SAMD4A: variants seen among roughly 807,000 people sequenced by gnomAD.
SAMD4A encodes sterile alpha motif domain containing 4A.
SAMD4A carries 33 observed loss-of-function variants against 81.3 expected under a neutral mutation model. The observed-to-expected ratio is 0.41, with a 90% CI of 0.31 to 0.54. The LOEUF (loss-of-function observed/expected upper bound fraction) is 0.54. Ranked by LOEUF, SAMD4A falls within the 20% of genes least tolerant of loss-of-function variation. The pLI, the probability that SAMD4A is intolerant of heterozygous loss-of-function variation, is 0.37. For synonymous variants in SAMD4A, 389 were observed against 382.1 expected, an observed-to-expected ratio of 1.02 and a Z score of -0.21; for missense variants, 854 against 951.1, an observed-to-expected ratio of 0.90 and a Z score of 1.34.
At chr14:54,696,745 C>T (rs1373508216) in intron 2 of SAMD4A, 2 of 152,150 alleles carry the variant, frequency 1.3e-5, no homozygotes, top group African/African-American at 4.8e-5. Context: ...ATTTTTTTTA[C>T]TACTCCTATG....
rs2036810252 is a variant in SAMD4A at position 54,704,758 on chromosome 14, C to G, written c.715+2178C>G. Among the ~76,000 whole-genome samples the G allele has an allele frequency of 2.6e-5, 4 of 152,336 alleles. No individual in the cohort carries two copies. In the South Asian group the frequency reaches 8.3e-4, roughly 32 times the overall value. ...CTCAGATCTCCCCTCCAGAAAGTTT[C>G]ATTCAAACACTCATGACCATATCAA... On this transcript the variant is annotated intron_variant, in intron 3 of 12. Transcript: ENST00000554335.
intron 12 of SAMD4A, among the ~76,000 whole-genome samples, chr14:54,787,352 GT>G (rs1263140337): frequency 6.6e-6 from 1 of 152,200 alleles, no homozygotes; most frequent in Non-Finnish European, 1.5e-5. Flanking sequence ...TGAACCTACA[GT>G]TATCTCAAAA....
rs76559813 is a variant in SAMD4A, at chr14:54,722,077, A to G, written c.716-14947A>G. On this transcript the variant is annotated intron_variant, in intron 3 of 12. Transcript: ENST00000554335. ...AATACAACCTAAACTGATTAAAAAGATTAAGTATTAATGGTGAAATAAGTC... is the reference window on the plus strand; with the variant it reads ...AATACAACCTAAACTGATTAAAAAGGTTAAGTATTAATGGTGAAATAAGTC... Among the ~76,000 whole-genome samples the G allele has an allele frequency of 2.5e-3, 380 of 152,368 alleles. 1 individual carries two copies. The highest frequency in any genetic ancestry group is 4.3e-3 in the Non-Finnish European group (294 of 68,038).
chr14:54,616,657 A>G (rs4480699), intron 2 of SAMD4A, among the ~76,000 whole-genome samples: 68,303 of 152,128 alleles, frequency 0.45, 15,308 homozygotes, highest in Middle Eastern at 0.51. Context: ...ACTTAATAAT[A>G]TGGAACCCAA....
intron 2 of SAMD4A, among the ~76,000 whole-genome samples, chr14:54,589,263 A>G (rs977120985): frequency 1.2e-4 from 19 of 152,164 alleles, no homozygotes; most frequent in African/African-American, 4.6e-4. Context: ...ATGACTGGAG[A>G]TGAGGATGGA....
At chr14:54,720,881 T>C (rs145668234) in intron 3 of SAMD4A, among the ~76,000 whole-genome samples, 1 of 152,188 alleles carries the variant, frequency 6.6e-6, no homozygotes, top group Non-Finnish European at 1.5e-5. Flanking sequence ...AATTGCCATG[T>C]TTTCCCTTGC....
chr14:54,725,979 T>C (rs149962210), intron 3 of SAMD4A, among the ~76,000 whole-genome samples: 3 of 152,218 alleles, frequency 2.0e-5, no homozygotes, highest in African/African-American at 4.8e-5. Context: ...TCTCCTAGGG[T>C]CTTGTTAAAA....
chr14:54,754,074 T>C (rs936240306), intron 6 of SAMD4A, among the ~76,000 whole-genome samples: 4 of 152,252 alleles, frequency 2.6e-5, no homozygotes, highest in African/African-American at 4.8e-5. Flanking sequence ...ATATCCTCCA[T>C]CACTGAGGAA....
chr14:54,749,511 T>C (rs968948762), intron 5 of SAMD4A, among the ~76,000 whole-genome samples: 4 of 152,212 alleles, frequency 2.6e-5, no homozygotes, highest in Non-Finnish European at 5.9e-5. Context: ...AAATATTTTT[T>C]TCTTCTAACA....
chr14:54,697,083 G>A (rs778486379), intron 2 of SAMD4A: 1 of 152,220 alleles, frequency 6.6e-6, no homozygotes. Flanking sequence ...TTGCTCTCTG[G>A]AAGATAGTGT....
chr14:54,759,310 G>A (rs530494946), intron 6 of SAMD4A, among the ~76,000 whole-genome samples: 4 of 152,222 alleles, frequency 2.6e-5, no homozygotes, highest in South Asian at 2.1e-4. Flanking sequence ...GGTGTCTGAC[G>A]GGACACCATT....
At chr14:54,783,813 T>A (rs771394172) in intron 11 of SAMD4A, among the ~76,000 whole-genome samples, 1 of 152,212 alleles carries the variant, frequency 6.6e-6, no homozygotes, top group Non-Finnish European at 1.5e-5. Flanking sequence ...AAGAGGTGCG[T>A]GCTGGGCCCT....
chr14:54,587,598 G>C (rs528384783), intron 2 of SAMD4A, among the ~76,000 whole-genome samples: 4 of 152,078 alleles, frequency 2.6e-5, no homozygotes, highest in African/African-American at 9.6e-5. Flanking sequence ...AATCATAAAG[G>C]GATGCTGGAT....
chr14:54,725,145 C>T (rs2037382062), intron 3 of SAMD4A, among the ~76,000 whole-genome samples: 1 of 152,136 alleles, frequency 6.6e-6, no homozygotes, highest in African/African-American at 2.4e-5. Flanking sequence ...TACCCAGACA[C>T]GTAATAGGTT....
intron 2 of SAMD4A, among the ~76,000 whole-genome samples, chr14:54,670,906 CAAAG>C (rs2035867018): frequency 6.6e-6 from 1 of 152,060 alleles, no homozygotes; most frequent in South Asian, 2.1e-4. Context: ...GAGATGAACA[CAAAG>C]AAGGAAGTGT....
At chr14:54,763,082 C>T (rs1456395435) in intron 7 of SAMD4A, among the ~76,000 whole-genome samples, 1 of 151,894 alleles carries the variant, frequency 6.6e-6, no homozygotes, top group Non-Finnish European at 1.5e-5. Context: ...GTCTCGATCT[C>T]CTGACCTCGT....
rs758154691 is a variant in SAMD4A, at chr14:54,737,218, G to A, written c.910G>A (p.Gly304Arg). The A allele has an allele frequency of 1.2e-6, 2 of 1,614,082 alleles. No homozygotes were observed. Among genetic ancestry groups the A allele is most frequent in the Non-Finnish European group, 1.7e-6 (2 of 1,179,986 alleles). The part of the protein sequence containing the change: ...QSSVASSGSG[G>R]SEHLEDQTTA... ...CAGTGTAGCCTCTTCAGGAAGTGGT[G>A]GGAGTGAACACTTAGAAGATCAGAC... The change falls in exon 4 of 13, where the codon GGG becomes AGG. Residue 304 changes from glycine to arginine, a missense_variant. Gly to Arg is a moderately radical substitution (Grantham distance 125). Around this residue, in one of 3 missense-constraint regions of SAMD4A, gnomAD observed 387 missense variants for 405.8 expected, o/e 0.95. Transcript: ENST00000554335.
At chr14:54,726,044 C>T (rs1342808567) in intron 3 of SAMD4A, among the ~76,000 whole-genome samples, 3 of 151,972 alleles carry the variant, frequency 2.0e-5, no homozygotes, top group South Asian at 4.2e-4. Context: ...ACCCTTCTAA[C>T]AAGATCCCAG....
intron 8 of SAMD4A, among the ~76,000 whole-genome samples, chr14:54,766,380 A>T (rs1885397): frequency 6.6e-6 from 1 of 151,986 alleles, no homozygotes; most frequent in African/African-American, 2.4e-5. Flanking sequence ...TAGTGAGAGA[A>T]GGGGTGAGAC....
Sources: gnomAD v4.1 joint callset for allele counts (sites outside exome capture counted in the v4.1 genomes callset) on GRCh38, gnomAD v4.1.1 for gene constraint, gnomAD v4.1.1 regional missense constraint, MANE v1.5 for transcripts, NCBI Gene and HGNC (gene_info 2026-07-23, HGNC 2026-07-21) for gene names.